TAFA4: variants seen among roughly 807,000 people sequenced by gnomAD.
TAFA4 encodes TAFA chemokine like family member 4.
A neutral mutation model predicts 21.1 loss-of-function variants in TAFA4; 20 were observed. The observed-to-expected ratio is 0.95, with a 90% CI of 0.67 to 1.38. The LOEUF is 1.38. TAFA4 is among the 40% of genes most tolerant of loss of function. The pLI, the probability that TAFA4 is intolerant of heterozygous loss-of-function variation, is 0.00. For missense variants in TAFA4, 211 were observed against 180.9 expected, an observed-to-expected ratio of 1.17 and a Z score of -0.95; for synonymous variants, 71 against 67.4, an observed-to-expected ratio of 1.05 and a Z score of -0.26.
chr3:68,808,507 G>C (rs955574311), intron 3 of TAFA4, among the ~76,000 whole-genome samples: 29 of 152,276 alleles, frequency 1.9e-4, no homozygotes, highest in African/African-American at 7.0e-4. Context: ...TAAACCCTCT[G>C]AATGAGCCAC....
intron 3 of TAFA4, among the ~76,000 whole-genome samples, chr3:68,809,800 A>C (rs1243199180): frequency 1.3e-5 from 2 of 152,110 alleles, no homozygotes; most frequent in African/African-American, 2.4e-5. Flanking sequence ...AGCACCATTT[A>C]TTGAGAGATT....
In TAFA4 at chr3:68,909,498, A is replaced by G. The variant is rs562173974; in HGVS notation, c.-123+22742T>C. 4.4e-4 allele frequency among the ~76,000 whole-genome samples: 67 copies of G among 152,280 alleles called. No individual in the cohort carries two copies. In the South Asian group the frequency reaches 0.013, roughly 30 times the overall value. On this transcript the variant is annotated intron_variant, in intron 1 of 5. Coordinates refer to ENST00000295569, the MANE Select transcript of TAFA4 (RefSeq NM_182522.5). ...GCTCAATCAACCCATGAAATAGGAA[A>G]CTGTCCAAATGGAACATAAACACCT...
intron 3 of TAFA4, among the ~76,000 whole-genome samples, chr3:68,766,993 T>G (rs970477128): frequency 7.2e-5 from 11 of 152,240 alleles, no homozygotes; most frequent in African/African-American, 2.6e-4. Context: ...AACAAAACTA[T>G]CAATAAAGCA....
At chr3:68,804,684 G>C (rs376832208) in intron 3 of TAFA4, among the ~76,000 whole-genome samples, 3 of 152,062 alleles carry the variant, frequency 2.0e-5, no homozygotes, top group Admixed American at 6.6e-5. Flanking sequence ...ACAAACCTGA[G>C]AAAAACAAGC....
At chr3:68,895,957 A>G (rs1450395221) in intron 1 of TAFA4, among the ~76,000 whole-genome samples, 4 of 152,226 alleles carry the variant, frequency 2.6e-5, no homozygotes, top group Non-Finnish European at 4.4e-5. Flanking sequence ...GCCTGGCCTC[A>G]CTGAGAAGGT....
At chr3:68,745,382 C>G (rs1199041209) in intron 4 of TAFA4, among the ~76,000 whole-genome samples, 1 of 152,166 alleles carries the variant, frequency 6.6e-6, no homozygotes, top group Non-Finnish European at 1.5e-5. Flanking sequence ...TCATAATACA[C>G]TTTAAATGAG....
intron 5 of TAFA4, among the ~76,000 whole-genome samples, chr3:68,736,662 G>GACCTCTGTCTTAC (rs1702246267): frequency 6.6e-6 from 1 of 152,028 alleles, no homozygotes; most frequent in African/African-American, 2.4e-5. Context: ...GCTTTTCTAG[G>GACCTCTGTCTTAC]ACCTCTGTCT....
intron 3 of TAFA4, among the ~76,000 whole-genome samples, chr3:68,790,401 A>G (rs1669025180): frequency 6.6e-6 from 1 of 152,236 alleles, no homozygotes; most frequent in Non-Finnish European, 1.5e-5. Flanking sequence ...CAAACAGAAA[A>G]CAATAAAATG....
At chr3:68,899,461 T>A (rs1197467331) in intron 1 of TAFA4, among the ~76,000 whole-genome samples, 2 of 152,112 alleles carry the variant, frequency 1.3e-5, no homozygotes, top group Non-Finnish European at 2.9e-5. Flanking sequence ...TTAAACTTCT[T>A]CCATGGTTTG....
At chr3:68,842,493 T>A (rs2106896108) in intron 3 of TAFA4, among the ~76,000 whole-genome samples, 1 of 152,360 alleles carries the variant, frequency 6.6e-6, no homozygotes, top group South Asian at 2.1e-4. Flanking sequence ...TTCTGTAGGT[T>A]GCCTATTCAC....
intron 3 of TAFA4, among the ~76,000 whole-genome samples, chr3:68,873,337 T>TACACATACAC (rs2089508772): frequency 7.5e-6 from 1 of 133,422 alleles, no homozygotes; most frequent in African/African-American, 2.7e-5. Context: ...CACGCAGACA[T>TACACATACAC]ACACACACAC....
At chr3:68,920,639 A>AAT (rs1491483785) in intron 1 of TAFA4, among the ~76,000 whole-genome samples, 17 of 130,210 alleles carry the variant, frequency 1.3e-4, no homozygotes, top group Non-Finnish European at 2.6e-4. Flanking sequence ...TTTTTCTCTA[A>AAT]TTTTTTTTTT....
chr3:68,901,898 G>T (rs532177408), intron 1 of TAFA4, among the ~76,000 whole-genome samples: 2 of 152,258 alleles, frequency 1.3e-5, no homozygotes, highest in Admixed American at 6.5e-5. Context: ...TGAACCTCAA[G>T]CTCTTTATCT....
At chr3:68,871,253 A>C (rs1193548008) in intron 3 of TAFA4, among the ~76,000 whole-genome samples, 1 of 152,136 alleles carries the variant, frequency 6.6e-6, no homozygotes, top group Non-Finnish European at 1.5e-5. Flanking sequence ...AGACACATGC[A>C]CACGAATGTT....
At chr3:68,803,377 G>T (rs1222404871) in intron 3 of TAFA4, among the ~76,000 whole-genome samples, 1 of 152,200 alleles carries the variant, frequency 6.6e-6, no homozygotes, top group Admixed American at 6.5e-5. Context: ...GAAATGACAA[G>T]AGTCCGACAT....
At chr3:68,778,955 G>C (rs575259729) in intron 3 of TAFA4, among the ~76,000 whole-genome samples, 1 of 152,228 alleles carries the variant, frequency 6.6e-6, no homozygotes, top group Non-Finnish European at 1.5e-5. Context: ...ATGTGGGAAA[G>C]TTTGGAATTT....
At chr3:68,883,625 GAGAA>G (rs1444634902) in intron 2 of TAFA4, among the ~76,000 whole-genome samples, 2 of 152,260 alleles carry the variant, frequency 1.3e-5, no homozygotes, top group African/African-American at 4.8e-5. Flanking sequence ...CTAATACAAA[GAGAA>G]AGAGTTTAAC....
chr3:68,916,069 C>G (rs1462900773), intron 1 of TAFA4: 1 of 152,322 alleles, frequency 6.6e-6, no homozygotes, highest in East Asian at 1.9e-4. Context: ...AAATACCTTA[C>G]AATTGTGAGA....
At chr3:68,902,557 A>G (rs2089854961) in intron 1 of TAFA4, among the ~76,000 whole-genome samples, 1 of 152,096 alleles carries the variant, frequency 6.6e-6, no homozygotes. Flanking sequence ...TTGTAAAGAC[A>G]TGGTTTCACC....
Sources: gnomAD v4.1 joint callset for allele counts (sites outside exome capture counted in the v4.1 genomes callset) on GRCh38, gnomAD v4.1.1 for gene constraint, MANE v1.5 for transcripts, NCBI Gene and HGNC (gene_info 2026-07-23, HGNC 2026-07-21) for gene names.